The following SLC39A12 variants were observed in gnomAD, a reference collection of about 807,000 sequenced individuals.
SLC39A12 encodes solute carrier family 39 member 12.
A neutral mutation model predicts 71.1 loss-of-function variants in SLC39A12; 63 were observed. The ratio of observed to expected loss-of-function variants is 0.89; its 90% CI spans 0.72 to 1.09. The LOEUF is 1.09. Ranked by LOEUF, SLC39A12 falls within the 50% of genes least tolerant of loss-of-function variation. The pLI is 0.00. For missense variants in SLC39A12, 892 were observed against 812.6 expected (o/e 1.10, Z -1.19); for synonymous variants, 351 against 301.3 (o/e 1.16, Z -1.71).
chr10:18,001,538 A>G (rs923351351), intron 11 of SLC39A12, among the ~76,000 whole-genome samples: 18 of 152,162 alleles, frequency 1.2e-4, no homozygotes, highest in African/African-American at 4.3e-4. Context: ...AAACAAAAAC[A>G]AAAAACCAAA....
At chr10:18,015,080 C>G (rs1836339172) in intron 12 of SLC39A12, among the ~76,000 whole-genome samples, 1 of 152,140 alleles carries the variant, frequency 6.6e-6, no homozygotes, top group East Asian at 1.9e-4. Context: ...CCTAATTTAT[C>G]AATTTTTCAG....
intron 10 of SLC39A12, 48 bp from the exon 11 acceptor site, chr10:18,000,619 T>C: frequency 6.3e-7 from 1 of 1,584,130 alleles, no homozygotes. Context: ...TTTGGTGAAA[T>C]ATGTAGTGCT....
chr10:17,968,208 C>T (rs541562174), intron 4 of SLC39A12, among the ~76,000 whole-genome samples: 1 of 151,562 alleles, frequency 6.6e-6, no homozygotes, highest in Non-Finnish European at 1.5e-5. Context: ...TATTTATTTC[C>T]AGTTCTCATG....
intron 12 of SLC39A12, among the ~76,000 whole-genome samples, chr10:18,008,115 T>A (rs1836084515): frequency 6.6e-6 from 1 of 152,196 alleles, no homozygotes; most frequent in African/African-American, 2.4e-5. Flanking sequence ...CTGGAAACTT[T>A]ATTGCAGGAG....
At chr10:17,983,740 C>T (rs1037445745) in intron 6 of SLC39A12, among the ~76,000 whole-genome samples, 2 of 152,060 alleles carry the variant, frequency 1.3e-5, no homozygotes, top group Non-Finnish European at 2.9e-5. Flanking sequence ...CAAGATTGCA[C>T]CATTGCACTC....
In SLC39A12 at chr10:17,962,443, A is replaced by G. The variant is rs143462820; in HGVS notation, c.543+581A>G. ...CCACCTGGTCTCTGTTGCCTTCATT[A>G]CTATTCTAGCAAAACTGGCCTTTCA... On this transcript the variant is annotated intron_variant, in intron 3 of 12. Transcript: ENST00000377369. Among the ~76,000 whole-genome samples, 269 of 152,130 alleles carry G rather than the reference A, an allele frequency of 1.8e-3. 5 individuals carry two copies. Among genetic ancestry groups the G allele is most frequent in the Middle Eastern group, 3.4e-3 (1 of 294 alleles).
intron 2 of SLC39A12, among the ~76,000 whole-genome samples, chr10:17,958,300 C>T (rs1834601090): frequency 6.6e-6 from 1 of 152,150 alleles, no homozygotes; most frequent in Admixed American, 6.5e-5. Flanking sequence ...CCATGAGCGT[C>T]CTACTCCTTG....
At position 17,998,310 on chromosome 10, in the gene SLC39A12, G is replaced by A. The variant is rs900057009; in HGVS notation, c.1601-2357G>A. ...TGGTTTCTAGCAGAGTGTAATATTG[G>A]CTAAAAATCCTCCTTTGGAATATAT... On this transcript the variant is annotated intron_variant, in intron 10 of 12. Coordinates refer to ENST00000377369, the MANE Select transcript of SLC39A12 (RefSeq NM_001145195.2). 2.0e-5 allele frequency among the ~76,000 whole-genome samples: 3 copies of A among 152,058 alleles called. 1 individual carries two copies. The highest frequency in any genetic ancestry group is 4.4e-5 in the Non-Finnish European group (3 of 68,012).
rs145479481 is a variant in SLC39A12, at chr10:18,017,006, G to A, written c.1947+13648G>A. ...CTTATCTTCTCATTCTCTTGACATT[G>A]TCTTTCACTGAACTGAGGTTTTAAT... is the stretch of plus-strand genomic sequence containing the variant. On this transcript the variant is annotated intron_variant, in intron 12 of 12. Transcript: ENST00000377369. 1.1e-3 allele frequency among the ~76,000 whole-genome samples: 167 copies of A among 152,146 alleles called. 2 individuals carry two copies. The East Asian group carries it at 0.029, about 27-fold the overall frequency.
chr10:18,000,769 A>C lies in SLC39A12; in HGVS notation c.1703A>C (p.Glu568Ala). 6.2e-7 allele frequency: 1 copy of C among 1,614,220 alleles called. No homozygotes were observed. Among genetic ancestry groups the C allele is most frequent in the Middle Eastern group, 1.6e-4 (1 of 6,062 alleles). Residue 568 changes from glutamate to alanine, a missense_variant, in exon 11 of 13, where the codon GAG (glutamate) becomes GCG (alanine). Physicochemically the swap from Glu to Ala is moderately radical, Grantham distance 107. Transcript: ENST00000377369. ...GGAGCAGCCTTCTCATCATCATCCGAGTCAGGAGTGACCACTACGATTGCT... is the reference window on the plus strand; with the variant it reads ...GGAGCAGCCTTCTCATCATCATCCGCGTCAGGAGTGACCACTACGATTGCT... ...AIGAAFSSSS[E>A]SGVTTTIAIL... is the part of the protein sequence containing the mutation.
chr10:17,967,478 T>C (rs1292869884), intron 4 of SLC39A12, among the ~76,000 whole-genome samples: 3 of 152,236 alleles, frequency 2.0e-5, no homozygotes, highest in African/African-American at 7.2e-5. Context: ...CTACTTCATC[T>C]TATTGAGGTT....
rs188962922 is a variant in SLC39A12, at chr10:18,011,652, G to A, written c.1947+8294G>A. 2.4e-3 allele frequency among the ~76,000 whole-genome samples: 372 copies of A among 152,206 alleles called. 1 individual carries two copies. Among genetic ancestry groups the A allele is most frequent in the African/African-American group, 8.2e-3 (342 of 41,520 alleles). ...GACATCTGTCTTTGCTGAGCTTTACGACTAAGAATTTGTCTAACTGAATCA... is the reference window on the plus strand; with the variant it reads ...GACATCTGTCTTTGCTGAGCTTTACAACTAAGAATTTGTCTAACTGAATCA... On this transcript the variant is annotated intron_variant, in intron 12 of 12. Transcript: ENST00000377369.
intron 12 of SLC39A12, among the ~76,000 whole-genome samples, chr10:18,021,441 C>T (rs1045388371): frequency 6.6e-6 from 1 of 151,800 alleles, no homozygotes; most frequent in African/African-American, 2.4e-5. Flanking sequence ...GAATAGCAGC[C>T]CCTGCTCTTT....
intron 4 of SLC39A12, among the ~76,000 whole-genome samples, chr10:17,970,615 T>TC (rs1834944003): frequency 1.3e-5 from 2 of 152,092 alleles, no homozygotes; most frequent in Non-Finnish European, 2.9e-5. Context: ...GCTACCGATT[T>TC]TTGTATGTTG....
chr10:17,970,774 C>T (rs1834950462), intron 4 of SLC39A12, among the ~76,000 whole-genome samples: 1 of 149,686 alleles, frequency 6.7e-6, no homozygotes, highest in Non-Finnish European at 1.5e-5. Flanking sequence ...TCTTCCATTC[C>T]AATTTGGATG....
chr10:17,984,677 G>A (rs1378653671), intron 6 of SLC39A12, among the ~76,000 whole-genome samples: 2 of 152,192 alleles, frequency 1.3e-5, no homozygotes, highest in African/African-American at 4.8e-5. Flanking sequence ...TAAAAGACAC[G>A]ACGATGTAGG....
At position 17,953,333 on chromosome 10, in the gene SLC39A12, C is replaced by T. The variant is rs1834452233; in HGVS notation, c.57C>T (p.Ser19=). 2.5e-6 allele frequency: 4 copies of T among 1,614,076 alleles called. No individual in the cohort carries two copies. Among genetic ancestry groups the T allele is most frequent in the Non-Finnish European group, 3.4e-6 (4 of 1,180,058 alleles). ...VSWVPLFLLL[S]RVFSTETDKP... is the part of the protein sequence containing the mutation. ...GGGTGCCATTGTTTCTTCTACTCAG[C>T]CGTGTTTTTTCTACTGAGACAGACA... is the stretch of plus-strand genomic sequence containing the variant. The change falls in exon 2 of 13, where the codon AGC becomes AGT. Residue 19 remains serine (S), a synonymous_variant. Transcript: ENST00000377369.
intron 12 of SLC39A12, among the ~76,000 whole-genome samples, chr10:18,030,444 T>G (rs1836809127): frequency 6.6e-6 from 1 of 151,786 alleles, no homozygotes; most frequent in South Asian, 2.1e-4. Flanking sequence ...TTTCACCATG[T>G]TAGCCAGGAT....
At chr10:17,967,183 C>T (rs1268406833) in intron 4 of SLC39A12, among the ~76,000 whole-genome samples, 4 of 151,966 alleles carry the variant, frequency 2.6e-5, no homozygotes, top group Admixed American at 6.6e-5. Context: ...ATGGAGTTTG[C>T]TGATTGCAGT....
Sources: allele counts gnomAD v4.1 joint callset (sites outside exome capture counted in the v4.1 genomes callset), GRCh38; gene constraint gnomAD v4.1.1; transcripts MANE v1.5; gene names NCBI Gene and HGNC (gene_info 2026-07-23, HGNC 2026-07-21).